The following ITGAM variants were observed in gnomAD, a reference collection of about 807,000 sequenced individuals.
The protein encoded by ITGAM is integrin subunit alpha M, also known as integrin alpha-M.
Under a neutral mutation model 137.5 loss-of-function variants are expected in ITGAM, and 79 were observed. The observed-to-expected ratio is 0.57, with a 90% CI of 0.48 to 0.69. The LOEUF is 0.69. Ranked by LOEUF, ITGAM falls within the 30% of genes least tolerant of loss-of-function variation. The pLI, the probability that ITGAM is intolerant of heterozygous loss-of-function variation, is 0.00. For synonymous variants in ITGAM, 583 were observed against 592.3 expected, an observed-to-expected ratio of 0.98 and a Z score of 0.23; for missense variants, 1,343 against 1,483.5, an observed-to-expected ratio of 0.91 and a Z score of 1.56.
At chr16:31,271,641 C>G (rs938423147) in intron 6 of ITGAM, among the ~76,000 whole-genome samples, 1 of 152,252 alleles carries the variant, frequency 6.6e-6, no homozygotes, top group Non-Finnish European at 1.5e-5. Flanking sequence ...GTGTGAGCCA[C>G]TGCTCCCGGC....
intron 12 of ITGAM, among the ~76,000 whole-genome samples, chr16:31,281,340 G>A (rs898635902): frequency 5.9e-5 from 9 of 152,078 alleles, no homozygotes; most frequent in Non-Finnish European, 1.0e-4. Context: ...CTGTGAATCC[G>A]TCTGGTCCTG....
rs1167447313 is a variant in ITGAM at position 31,331,930 on chromosome 16, CAT to C, written c.*224_*225del. 8.9e-6 allele frequency: 5 copies of C among 563,194 alleles called. No individual in the cohort carries two copies. The highest frequency in any genetic ancestry group is 1.9e-5 in the African/African-American group (1 of 52,222). The allele number at this position is 563,194 out of a possible 1,614,324, so 34.9% of individuals were successfully genotyped here. A position where few individuals can be genotyped will look rare whatever the true frequency, so the allele number is the denominator to read the frequency against. On this transcript the variant is annotated 3_prime_UTR_variant, in exon 30 of 30. Transcript: ENST00000544665. ...GTGCGTGCATGTGCACTTGCACGCC[CAT>C]GTGTGAGTGTGTGCAAGTATGTGAG...
chr16:31,285,087 C>T (rs1273180154), intron 12 of ITGAM, among the ~76,000 whole-genome samples: 2 of 151,970 alleles, frequency 1.3e-5, no homozygotes, highest in African/African-American at 2.4e-5. Flanking sequence ...AACAGGTCCA[C>T]GTGAGGGGGT....
Position 31,275,580 on chromosome 16 carries a change from G to A in ITGAM, c.890G>A (p.Arg297His), listed in dbSNP as rs369423012. 3.1e-5 allele frequency: 50 copies of A among 1,613,890 alleles called. 2 individuals are homozygous for A. The highest frequency in any genetic ancestry group is 8.9e-5 in the East Asian group (4 of 44,856). ...VGDAFRSEKSRQELNTIASKP... is the reference protein window; with the variant it reads ...VGDAFRSEKSHQELNTIASKP... ...GATGCCTTCCGCAGTGAGAAATCCC[G>A]CCAAGAGCTTAATACCATCGCATCC... Residue 297 changes from arginine to histidine, a missense_variant, in exon 9 of 30, where the codon CGC becomes CAC. Physicochemically the swap from Arg to His is conservative, Grantham distance 29. Coordinates refer to ENST00000544665, the MANE Select transcript of ITGAM (RefSeq NM_000632.4).
At chr16:31,275,918 C>T (rs974077830) in intron 9 of ITGAM, among the ~76,000 whole-genome samples, 2 of 152,180 alleles carry the variant, frequency 1.3e-5, no homozygotes, top group African/African-American at 4.8e-5. Flanking sequence ...TGGCTATAGG[C>T]TGGTAAATTG....
intron 5 of ITGAM, among the ~76,000 whole-genome samples, chr16:31,270,688 C>CGT (rs200125675): frequency 0.11 from 3,354 of 30,308 alleles, 954 homozygotes; most frequent in East Asian, 0.29. Context: ...TAATTTTTAA[C>CGT]GTGTGTGTGT....
At position 31,324,143 on chromosome 16, in the gene ITGAM, G is replaced by A. The variant is rs532421555; in HGVS notation, c.2003-256G>A. On this transcript the variant is annotated intron_variant, in intron 16 of 29. Transcript: ENST00000544665. This position sits in a 1 kb window ranked among gnomAD's most constrained non-coding sequence, Gnocchi z 4.5. ...AAGGGAAGGAAGGAAAGGAAGGAAA[G>A]TAGGAAAGGAAGGAAAGGAAGAAAA... Among the ~76,000 whole-genome samples, 1 of 147,268 alleles carries A rather than the reference G, an allele frequency of 6.8e-6. No homozygotes were observed. Among genetic ancestry groups the A allele is most frequent in the East Asian group, 2.0e-4 (1 of 5,042 alleles).
chr16:31,282,169 GT>G (rs1170009887), intron 12 of ITGAM, among the ~76,000 whole-genome samples: 2 of 152,194 alleles, frequency 1.3e-5, no homozygotes, highest in Admixed American at 1.3e-4. Flanking sequence ...TAGGTGTGGT[GT>G]GGTGTTGAAA....
At chr16:31,283,924 G>A (rs1567257619) in intron 12 of ITGAM, among the ~76,000 whole-genome samples, 1 of 152,198 alleles carries the variant, frequency 6.6e-6, no homozygotes, top group East Asian at 1.9e-4. Context: ...AATCCTTTCT[G>A]TTTGTTAGTT....
chr16:31,297,172 A>G lies in ITGAM; in HGVS notation c.1357-342A>G, dbSNP rs186706349. Among the ~76,000 whole-genome samples the G allele has an allele frequency of 1.2e-4, 19 of 152,166 alleles. No individual in the cohort carries two copies. In the East Asian group the frequency reaches 3.7e-3, roughly 29 times the overall value. ...TTTATCTTTTAAATTATTAAAAAATATATATATACACTTAGAGATTGGGAT... is the reference window on the plus strand; with the variant it reads ...TTTATCTTTTAAATTATTAAAAAATGTATATATACACTTAGAGATTGGGAT... On this transcript the variant is annotated intron_variant, in intron 12 of 29. Transcript: ENST00000544665.
chr16:31,266,970 C>G (rs149575715), intron 5 of ITGAM, among the ~76,000 whole-genome samples: 2 of 151,758 alleles, frequency 1.3e-5, no homozygotes, highest in Non-Finnish European at 2.9e-5. Flanking sequence ...CAGGTTCAAG[C>G]GATTCTCCTG....
At chr16:31,307,236 G>A (rs1226676977) in intron 14 of ITGAM, among the ~76,000 whole-genome samples, 1 of 152,086 alleles carries the variant, frequency 6.6e-6, no homozygotes, top group African/African-American at 2.4e-5. Flanking sequence ...ATTACCTTGG[G>A]CAGTATGGCC....
chr16:31,284,046 A>G (rs2079999672), intron 12 of ITGAM, among the ~76,000 whole-genome samples: 2 of 152,164 alleles, frequency 1.3e-5, no homozygotes. Flanking sequence ...AACAGCAAAT[A>G]TTACAAAACG....
At chr16:31,276,612 G>T in intron 9 of ITGAM, 59 bp from the exon 10 acceptor site, 6 of 1,271,824 alleles carry the variant, frequency 4.7e-6, no homozygotes, top group Non-Finnish European at 6.8e-6. Context: ...GATTACAGGC[G>T]TGAGCCACCA....
At position 31,331,635 on chromosome 16, in the gene ITGAM, G is replaced by A; in HGVS notation, c.3388-1G>A. ...TCTCACTGCCCTCCTCTGCCCCGCA[G>A]CTCGGCTTCTTCAAGCGGCAATACA... is the stretch of plus-strand genomic sequence containing the variant. On this transcript the variant is annotated splice_acceptor_variant, in intron 29 of 29. Coordinates refer to ENST00000544665, the MANE Select transcript of ITGAM (RefSeq NM_000632.4). LOFTEE classifies it high-confidence loss of function. The A allele has an allele frequency of 6.5e-7, 1 of 1,541,600 alleles. No homozygotes were observed. The highest frequency in any genetic ancestry group is 8.8e-7 in the Non-Finnish European group (1 of 1,136,472).
intron 16 of ITGAM, among the ~76,000 whole-genome samples, chr16:31,323,169 C>T (rs538668038): frequency 5.9e-5 from 9 of 152,178 alleles, no homozygotes; most frequent in South Asian, 4.2e-4. Flanking sequence ...CGGTGGCTCA[C>T]GCCTGTAATC....
At chr16:31,328,996 G>A in intron 23 of ITGAM, 2 of 607,116 alleles carry the variant, frequency 3.3e-6, no homozygotes, top group Non-Finnish European at 5.9e-6. Context: ...GTGTGTATGT[G>A]CTCATGGGTG....
chr16:31,327,874 A>C (rs2144501042), intron 22 of ITGAM, among the ~76,000 whole-genome samples: 1 of 152,228 alleles, frequency 6.6e-6, no homozygotes, highest in African/African-American at 2.4e-5. Context: ...TCATATTTGC[A>C]TGTTAGAACG....
intron 12 of ITGAM, among the ~76,000 whole-genome samples, chr16:31,288,435 G>A (rs1181161239): frequency 6.6e-6 from 1 of 152,086 alleles, no homozygotes; most frequent in Non-Finnish European, 1.5e-5. Flanking sequence ...ACAGAACAGA[G>A]CCCTCAGAAA....
Sources: allele counts gnomAD v4.1 joint callset (sites outside exome capture counted in the v4.1 genomes callset), GRCh38; gene constraint gnomAD v4.1.1; non-coding constraint Gnocchi (gnomAD v3.1); transcripts MANE v1.5; gene names NCBI Gene and HGNC (gene_info 2026-07-23, HGNC 2026-07-21).